Variants in SRL observed in about 807,000 individuals in gnomAD.
SRL encodes the protein sarcalumenin.
Under a neutral mutation model 39.5 loss-of-function variants are expected in SRL, and 23 were observed. The observed-to-expected ratio is 0.58, with a 90% CI of 0.42 to 0.82. The LOEUF (loss-of-function observed/expected upper bound fraction) is 0.82, where lower values mean the gene tolerates loss of function less well. SRL is among the 40% of genes least tolerant of loss of function. SRL has a pLI of 0.00. For synonymous variants in SRL, 272 were observed against 237.4 expected (o/e 1.15, Z -1.34); for missense variants, 592 against 607.8 (o/e 0.97, Z 0.27).
At chr16:4,208,050 T>C (rs1246345739) in intron 1 of SRL, 1 of 456,206 alleles carries the variant, frequency 2.2e-6, no homozygotes, top group Non-Finnish European at 4.4e-6. Context: ...AGAGAAATGA[T>C]TCTCCAACAA....
At chr16:4,201,177 A>C (rs1428927763) in intron 3 of SRL, among the ~76,000 whole-genome samples, 1 of 150,818 alleles carries the variant, frequency 6.6e-6, no homozygotes, top group Non-Finnish European at 1.5e-5. Context: ...GCAGTGGTGC[A>C]ATCTCAGTTT....
At chr16:4,216,195 T>C (rs969309245) in intron 1 of SRL, among the ~76,000 whole-genome samples, 1 of 152,186 alleles carries the variant, frequency 6.6e-6, no homozygotes, top group East Asian at 1.9e-4. Context: ...CCATCATATA[T>C]ATACATGCTT....
chr16:4,204,481 C>T lies in SRL; in HGVS notation c.163+52G>A, dbSNP rs892316149. The T allele has an allele frequency of 5.2e-6, 8 of 1,550,798 alleles. No individual in the cohort carries two copies. In the South Asian group the frequency reaches 5.6e-5, roughly 11 times the overall value. On this transcript the variant is annotated intron_variant, in intron 2 of 5. Coordinates refer to ENST00000399609, the MANE Select transcript of SRL (RefSeq NM_001098814.2). ...AGGAGCCTCCAGGAGTCTGCCCGGG[C>T]CCTGGTGGCCGGGCTCTCCCAGCCC...
At chr16:4,211,179 C>A (rs949849486) in intron 1 of SRL, among the ~76,000 whole-genome samples, 1 of 151,552 alleles carries the variant, frequency 6.6e-6, no homozygotes, top group African/African-American at 2.4e-5. Flanking sequence ...AAAAAAAGTT[C>A]TTAGGTAACA....
At position 4,195,792 on chromosome 16, in the gene SRL, C is replaced by T. The variant is rs372621809; in HGVS notation, c.377-6G>A. The T allele has an allele frequency of 6.8e-6, 11 of 1,610,454 alleles. No individual in the cohort carries two copies. The highest frequency in any genetic ancestry group is 2.7e-5 in the African/African-American group (2 of 74,836). On this transcript the variant is annotated splice_polypyrimidine_tract_variant and splice_region_variant and intron_variant, in intron 4 of 5. Transcript: ENST00000399609. ...AGAGGTGGTGGGTTCAGCGCCTGGGCACACGGGGTGAGAGGTGAAGGAATA... is the reference window on the plus strand; with the variant it reads ...AGAGGTGGTGGGTTCAGCGCCTGGGTACACGGGGTGAGAGGTGAAGGAATA...
chr16:4,227,029 T>A (rs1281066495), intron 1 of SRL, among the ~76,000 whole-genome samples: 1 of 134,260 alleles, frequency 7.4e-6, no homozygotes, highest in African/African-American at 2.8e-5. Context: ...GATGGAAGAA[T>A]GGACTGATGG....
At chr16:4,200,931 G>T (rs906439228) in intron 3 of SRL, among the ~76,000 whole-genome samples, 2 of 152,110 alleles carry the variant, frequency 1.3e-5, no homozygotes, top group Admixed American at 6.6e-5. Context: ...CACAGGGAAA[G>T]ATTTCTAATC....
intron 1 of SRL, among the ~76,000 whole-genome samples, chr16:4,226,554 G>A (rs1171365356): frequency 6.6e-6 from 1 of 151,910 alleles, no homozygotes; most frequent in Non-Finnish European, 1.5e-5. Context: ...CACATAGATG[G>A]AAAGATGGAT....
At chr16:4,234,005 T>C (rs1470469524) in intron 1 of SRL, among the ~76,000 whole-genome samples, 2 of 152,046 alleles carry the variant, frequency 1.3e-5, no homozygotes, top group Non-Finnish European at 2.9e-5. Context: ...CTCTCTCTCT[T>C]TTTTTTAAAT....
At chr16:4,207,437 A>G in intron 1 of SRL, 1 of 456,656 alleles carries the variant, frequency 2.2e-6, no homozygotes, top group South Asian at 1.5e-5. Flanking sequence ...CCGCGACGTC[A>G]GGGGCTCCCT....
chr16:4,209,884 A>G (rs2052371571), intron 1 of SRL, among the ~76,000 whole-genome samples: 1 of 152,130 alleles, frequency 6.6e-6, no homozygotes, highest in South Asian at 2.1e-4. Flanking sequence ...GGTGACCGGA[A>G]CCCAGAACTG....
At chr16:4,218,541 G>A (rs1350898214) in intron 1 of SRL, among the ~76,000 whole-genome samples, 1 of 152,142 alleles carries the variant, frequency 6.6e-6, no homozygotes, top group African/African-American at 2.4e-5. Context: ...AATATACAGC[G>A]GCGCTTTGCT....
At chr16:4,220,292 C>CACAA (rs1219968330) in intron 1 of SRL, among the ~76,000 whole-genome samples, 1 of 151,520 alleles carries the variant, frequency 6.6e-6, no homozygotes, top group African/African-American at 2.4e-5. Context: ...CACACACACA[C>CACAA]ACACACACAC....
At position 4,197,839 on chromosome 16, in the gene SRL, G is replaced by A; in HGVS notation, c.336C>T (p.Tyr112=). The A allele has an allele frequency of 6.2e-7, 1 of 1,613,918 alleles. No individual in the cohort carries two copies. The highest frequency in any genetic ancestry group is 8.5e-7 in the Non-Finnish European group (1 of 1,179,764). Residue 112 remains tyrosine (Y), a synonymous_variant, in exon 4 of 6, where the codon TAC becomes TAT. Coordinates refer to ENST00000399609, the MANE Select transcript of SRL (RefSeq NM_001098814.2). The stretch of plus-strand genomic sequence containing the variant: ...AGCGAGTATTTTCCAGCCCAAGGAG[G>A]TAGTTTATCATGGTAGATTTACCAA... ...WSVGKSTMIN[Y]LLGLENTRYQ... is the part of the protein sequence containing the mutation.
intron 1 of SRL, among the ~76,000 whole-genome samples, chr16:4,229,497 G>A (rs958186688): frequency 6.6e-6 from 1 of 151,996 alleles, no homozygotes; most frequent in Non-Finnish European, 1.5e-5. Context: ...GATGCAGCTG[G>A]AGGTCATTAT....
At chr16:4,214,150 G>A (rs538477041) in intron 1 of SRL, among the ~76,000 whole-genome samples, 11 of 152,310 alleles carry the variant, frequency 7.2e-5, no homozygotes, top group African/African-American at 2.6e-4. Flanking sequence ...TGAAACTAGA[G>A]ATGGAGAGAA....
At chr16:4,195,115 G>T (rs1380914201) in intron 5 of SRL, among the ~76,000 whole-genome samples, 1 of 151,700 alleles carries the variant, frequency 6.6e-6, no homozygotes, top group African/African-American at 2.4e-5. Context: ...AGCTGGTCTA[G>T]AACACCTGGG....
Position 4,203,206 on chromosome 16 carries a change from C to T in SRL, c.219G>A (p.Gln73=). 1 of 1,614,216 alleles carries T rather than the reference C, an allele frequency of 6.2e-7. No homozygotes were observed. The highest frequency in any genetic ancestry group is 8.5e-7 in the Non-Finnish European group (1 of 1,180,028). ...GCCGGAGCTCATTGTACTTGTAGGA[C>T]TGCTCCAGAGGCTTGATGGATGAGT... The part of the protein sequence containing the change: ...IYHSSIKPLE[Q]SYKYNELRQH... The change falls in exon 3 of 6, where the codon CAG becomes CAA. Residue 73 remains glutamine (Q), a synonymous_variant. Coordinates refer to ENST00000399609, the MANE Select transcript of SRL (RefSeq NM_001098814.2).
At chr16:4,200,869 C>T (rs73497118) in intron 3 of SRL, among the ~76,000 whole-genome samples, 3,786 of 152,274 alleles carry the variant, frequency 0.025, 128 homozygotes, top group African/African-American at 0.085. Context: ...ACCCTGGCCA[C>T]TTACAGCCAT....
Sources: gnomAD v4.1 joint callset for allele counts (sites outside exome capture counted in the v4.1 genomes callset) on GRCh38, gnomAD v4.1.1 for gene constraint, MANE v1.5 for transcripts, NCBI Gene and HGNC (gene_info 2026-07-23, HGNC 2026-07-21) for gene names.